LSM2: variants seen among roughly 807,000 people sequenced by gnomAD.
The protein encoded by LSM2 is LSM2 homolog, U6 small nuclear RNA and mRNA degradation associated.
A neutral mutation model predicts 17.0 loss-of-function variants in LSM2; 12 were observed. That is an observed-to-expected ratio of 0.70 (90% CI 0.45 to 1.14). The LOEUF is 1.14. LSM2 is among the 50% of genes most tolerant of loss of function. The pLI, the probability that LSM2 is intolerant of heterozygous loss-of-function variation, is 0.00. For synonymous variants in LSM2, 42 were observed against 44.5 expected (o/e 0.94, Z 0.22); for missense variants, 62 against 111.8 (o/e 0.55, Z 2.01).
chr6:31,800,877 C>G (rs1035102970), intron 2 of LSM2, among the ~76,000 whole-genome samples: 2 of 149,150 alleles, frequency 1.3e-5, no homozygotes, highest in Non-Finnish European at 3.0e-5. Context: ...CAAAGCAAGA[C>G]TCCGTCTCAA....
Position 31,806,768 on chromosome 6 carries a change from C to A in LSM2, c.-11G>T, listed in dbSNP as rs913103425. 6.2e-7 allele frequency: 1 copy of A among 1,609,648 alleles called. No individual in the cohort carries two copies. The highest frequency in any genetic ancestry group is 1.3e-5 in the African/African-American group (1 of 74,866). On this transcript the variant is annotated 5_prime_UTR_variant, in exon 1 of 5. Transcript: ENST00000375661. The stretch of plus-strand genomic sequence containing the variant: ...CACGGTACCCACCATGGTGCTGGCG[C>A]CGCGGGCAGCGGGCCGGACCGGGAA...
At position 31,806,254 on chromosome 6, in the gene LSM2, A is replaced by G. The variant is rs1387831680; in HGVS notation, c.4-112T>C. On this transcript the variant is annotated intron_variant, in intron 1 of 4. Coordinates refer to ENST00000375661, the MANE Select transcript of LSM2 (RefSeq NM_021177.5). ...TTGTGAACCCCACTGCATCCCTGAC[A>G]GTTCTCAAAATTTCACAGGAAAGAA... The G allele has an allele frequency of 1.6e-5, 16 of 992,864 alleles. No homozygotes were observed. The African/African-American group carries it at 2.3e-4, about 14-fold the overall frequency. 61.5% of individuals were successfully genotyped at this position (992,864 alleles called of 1,614,324 possible). A position where few individuals can be genotyped will look rare whatever the true frequency, so the allele number is the denominator to read the frequency against.
At chr6:31,806,013 A>G (rs1815010733) in intron 2 of LSM2, 62 bp downstream of exon 2, 2 of 1,439,254 alleles carry the variant, frequency 1.4e-6, no homozygotes, top group African/African-American at 2.8e-5. Context: ...TTCTCAAATT[A>G]AAGAGGTTCC....
At chr6:31,803,395 G>A (rs1249753318) in intron 2 of LSM2, among the ~76,000 whole-genome samples, 1 of 152,040 alleles carries the variant, frequency 6.6e-6, no homozygotes, top group Non-Finnish European at 1.5e-5. Flanking sequence ...TGGGCATGGT[G>A]GCATATAGCC....
intron 1 of LSM2, 199 bp from the exon 2 acceptor site, chr6:31,806,341 A>G: frequency 3.3e-6 from 2 of 614,156 alleles, no homozygotes; most frequent in Non-Finnish European, 5.7e-6. Context: ...CACTGAGCCC[A>G]TCACTTAAAG....
At chr6:31,803,469 G>A (rs1814832933) in intron 2 of LSM2, among the ~76,000 whole-genome samples, 1 of 152,006 alleles carries the variant, frequency 6.6e-6, no homozygotes, top group South Asian at 2.1e-4. Context: ...GGACAACAGA[G>A]TGAGACCCCC....
rs9281580 is a variant in LSM2 at position 31,798,733 on chromosome 6, CTTTTTTTTTTTTT to C, written c.72-239_72-227del. On this transcript the variant is annotated intron_variant, in intron 2 of 4. Coordinates refer to ENST00000375661, the MANE Select transcript of LSM2 (RefSeq NM_021177.5). ...TCTCCTCTCCCTAAACCAATCCATT[CTTTTTTTTTTTTT>C]TTTTTTTTTTGAGATGGAGTCTCAC... Among the ~76,000 whole-genome samples the C allele has an allele frequency of 3.3e-5, 3 of 89,852 alleles. 1 individual carries two copies. The highest frequency in any genetic ancestry group is 6.3e-5 in the Non-Finnish European group (3 of 47,428). The allele number at this position is 89,852 out of a possible 152,430, so 58.9% of individuals were successfully genotyped here. A position where few individuals can be genotyped will look rare whatever the true frequency, so the allele number is the denominator to read the frequency against.
chr6:31,797,850 T>C lies in LSM2; in HGVS notation c.195A>G (p.Ser65=). 1 of 1,613,016 alleles carries C rather than the reference T, an allele frequency of 6.2e-7. No homozygotes were observed. Among genetic ancestry groups the C allele is most frequent in the East Asian group, 2.2e-5 (1 of 44,880 alleles). ...CTGGCAGCTGCACGTATCGGACCAC[T>C]GAGCCCCGAATGAAGCAGTTCTTCA... ...LSVKNCFIRG[S]VVRYVQLPAD... is the part of the protein sequence containing the mutation. Residue 65 remains serine, a synonymous_variant, in exon 5 of 5, where the codon TCA becomes TCG. Transcript: ENST00000375661.
chr6:31,799,877 A>C (rs1322331227), intron 2 of LSM2, among the ~76,000 whole-genome samples: 1 of 151,806 alleles, frequency 6.6e-6, no homozygotes, highest in Admixed American at 6.6e-5. Context: ...GTGCTCTTTG[A>C]GAGAATGGTG....
intron 2 of LSM2, 138 bp from the exon 3 acceptor site, chr6:31,798,645 G>T: frequency 1.1e-6 from 1 of 880,804 alleles, no homozygotes. Flanking sequence ...AACCAAAAGG[G>T]GGCATTCCTA....
At position 31,798,019 on chromosome 6, in the gene LSM2, C is replaced by T; in HGVS notation, c.133G>A (p.Val45Ile). ...TGAGGGTATTTCTCAGGGTCTGTGA[C>T]ACTGATGTCAGTTAGTTTGATGTTG... Reference protein sequence around the residue: ...YLNIKLTDISVTDPEKYPHML... With the variant: ...YLNIKLTDISITDPEKYPHML... Residue 45 changes from valine (V) to isoleucine (I), a missense_variant, in exon 4 of 5, where the codon GTC becomes ATC. Transcript: ENST00000375661. The T allele has an allele frequency of 1.2e-6, 2 of 1,604,782 alleles. No individual in the cohort carries two copies. Among genetic ancestry groups the T allele is most frequent in the Non-Finnish European group, 1.7e-6 (2 of 1,176,696 alleles).
In LSM2 at chr6:31,806,753, A is replaced by G. The variant is rs1455687127; in HGVS notation, c.3+2T>C. On this transcript the variant is annotated splice_donor_variant, in intron 1 of 4. Transcript: ENST00000375661. LOFTEE classifies it high-confidence loss of function. Reference sequence around the variant, plus strand: ...GCCCCCTTTTGACGTCACGGTACCCACCATGGTGCTGGCGCCGCGGGCAGC... The same window carrying G: ...GCCCCCTTTTGACGTCACGGTACCCGCCATGGTGCTGGCGCCGCGGGCAGC... 4 of 1,610,180 alleles carry G rather than the reference A, an allele frequency of 2.5e-6. No homozygotes were observed. The highest frequency in any genetic ancestry group is 2.2e-5 in the East Asian group (1 of 44,810).
chr6:31,797,553 C>T lies in LSM2; in HGVS notation c.*204G>A. On this transcript the variant is annotated 3_prime_UTR_variant, in exon 5 of 5. Coordinates refer to ENST00000375661, the MANE Select transcript of LSM2 (RefSeq NM_021177.5). ...GGACTGGGAAGGCTTTGAAGTTTCC[C>T]AGCCTACTTATCCTCCCCTTCTCAA... 1.5e-6 allele frequency: 1 copy of T among 678,120 alleles called. No individual in the cohort carries two copies. The highest frequency in any genetic ancestry group is 2.4e-6 in the Non-Finnish European group (1 of 414,024). 42.0% of individuals were successfully genotyped at this position (678,120 alleles called of 1,614,324 possible).
chr6:31,804,483 C>A (rs188730473), intron 2 of LSM2, among the ~76,000 whole-genome samples: 2 of 152,090 alleles, frequency 1.3e-5, no homozygotes, highest in Non-Finnish European at 2.9e-5. Flanking sequence ...TCGTGTAAAA[C>A]AGCAATAGTA....
chr6:31,798,433 C>A (rs771838168), intron 3 of LSM2, 44 bp downstream of exon 3: 4 of 1,611,240 alleles, frequency 2.5e-6, no homozygotes, highest in Non-Finnish European at 2.5e-6. Context: ...AGTCTCCCCT[C>A]TCCTTCTCCA....
chr6:31,806,956 G>C lies in LSM2; in HGVS notation c.-199C>G. ...GGCTGGGGAGCGCAAGCTGGGTAGA[G>C]TAGAGGGGAGGAGGAAGCCGGGAAA... On this transcript the variant is annotated 5_prime_UTR_variant, in exon 1 of 5. Transcript: ENST00000375661. The C allele has an allele frequency of 1.6e-6, 1 of 619,826 alleles. No homozygotes were observed. Among genetic ancestry groups the C allele is most frequent in the South Asian group, 2.1e-5 (1 of 47,278 alleles). 38.4% of individuals were successfully genotyped at this position (619,826 alleles called of 1,614,324 possible).
At chr6:31,801,040 G>A (rs749764508) in intron 2 of LSM2, among the ~76,000 whole-genome samples, 1 of 151,680 alleles carries the variant, frequency 6.6e-6, no homozygotes, top group Non-Finnish European at 1.5e-5. Context: ...TGTGTGTGGT[G>A]CATGCCTGTA....
chr6:31,805,986 G>T, intron 2 of LSM2, 89 bp downstream of exon 2: 1 of 1,155,478 alleles, frequency 8.7e-7, no homozygotes, highest in Non-Finnish European at 1.3e-6. Context: ...CTTCCACCTC[G>T]CCTAGCCCTG....
chr6:31,806,628 G>A lies in LSM2; in HGVS notation c.3+127C>T. 3.2e-6 allele frequency: 4 copies of A among 1,233,816 alleles called. No homozygotes were observed. In the South Asian group the frequency reaches 5.1e-5, roughly 16 times the overall value. The allele number at this position is 1,233,816 out of a possible 1,614,324, so 76.4% of individuals were successfully genotyped here. A position where few individuals can be genotyped will look rare whatever the true frequency, so the allele number is the denominator to read the frequency against. On this transcript the variant is annotated intron_variant, in intron 1 of 4. Coordinates refer to ENST00000375661, the MANE Select transcript of LSM2 (RefSeq NM_021177.5). ...GCCTCCTCAATGAACCTGAGAAACA[G>A]TACAGTACTAAAGATGAAGATAAAA...
Sources: allele counts gnomAD v4.1 joint callset (sites outside exome capture counted in the v4.1 genomes callset), GRCh38; gene constraint gnomAD v4.1.1; transcripts MANE v1.5; gene names NCBI Gene and HGNC (gene_info 2026-07-23, HGNC 2026-07-21).